The following ANO7 variants were observed in gnomAD, a reference collection of about 807,000 sequenced individuals.
ANO7 encodes the protein anoctamin 7, also known as anoctamin-7.
ANO7 carries 114 observed loss-of-function variants against 115.8 expected under a neutral mutation model. The observed-to-expected ratio is 0.98, with a 90% confidence interval of 0.85 to 1.15. The LOEUF (loss-of-function observed/expected upper bound fraction) is 1.15. ANO7 is among the 50% of genes most tolerant of loss of function. The pLI is 0.00. For missense variants in ANO7, 1,302 were observed against 1,201.2 expected (o/e 1.08, Z -1.24); for synonymous variants, 550 against 498.2 (o/e 1.10, Z -1.38).
intron 21 of ANO7, among the ~76,000 whole-genome samples, chr2:241,221,876 C>T (rs2069028232): frequency 6.6e-6 from 1 of 152,022 alleles, no homozygotes; most frequent in Non-Finnish European, 1.5e-5. Flanking sequence ...ACGGAGGTTT[C>T]ACCATGTTGG....
In ANO7 at chr2:241,225,593, C is replaced by A. The variant is rs754265566; in HGVS notation, c.*1440C>A. Among the ~76,000 whole-genome samples, 2 of 152,228 alleles carry A rather than the reference C, an allele frequency of 1.3e-5. No homozygotes were observed. The highest frequency in any genetic ancestry group is 4.8e-5 in the African/African-American group (2 of 41,458). ...TTGATGAGTACTGCCAAACTTACTCCACAGAAAAGGCCTCTTTCTGAACAT... is the reference window on the plus strand; with the variant it reads ...TTGATGAGTACTGCCAAACTTACTCAACAGAAAAGGCCTCTTTCTGAACAT... On this transcript the variant is annotated 3_prime_UTR_variant, in exon 25 of 25. Transcript: ENST00000674324.
At chr2:241,216,625 C>T (rs542322632) in intron 19 of ANO7, among the ~76,000 whole-genome samples, 1 of 152,294 alleles carries the variant, frequency 6.6e-6, no homozygotes, top group African/African-American at 2.4e-5. Flanking sequence ...GCCTGGAGAG[C>T]CAATGTTCCC....
intron 15 of ANO7, 69 bp from the exon 16 acceptor site, chr2:241,212,025 G>C: frequency 8.1e-7 from 1 of 1,240,842 alleles, no homozygotes; most frequent in Admixed American, 1.7e-5. Context: ...GGTGGTCCTA[G>C]GAGAGGGGGC....
intron 21 of ANO7, among the ~76,000 whole-genome samples, chr2:241,222,245 A>G (rs1388543731): frequency 2.7e-5 from 4 of 147,510 alleles, no homozygotes; most frequent in Non-Finnish European, 5.9e-5. Flanking sequence ...TAAATAAATA[A>G]ATAAATAAAT....
chr2:241,230,036 C>T (rs2069553689), downstream of ANO7: 10 of 1,578,980 alleles, frequency 6.3e-6, no homozygotes, highest in South Asian at 1.2e-4. This position sits in a 1 kb window ranked among gnomAD's most constrained non-coding sequence, Gnocchi z 5.0. Flanking sequence ...CTCACCCCTG[C>T]ACCTCGCCTG....
intron 22 of ANO7, 143 bp downstream of exon 22, chr2:241,223,419 C>G (rs1436593649): frequency 1.4e-5 from 15 of 1,104,280 alleles, no homozygotes; most frequent in Non-Finnish European, 2.1e-5. Context: ...TTCTCTGCAC[C>G]TGCGTTTTCC....
the ANO7 span, chr2:241,239,475 C>A: frequency 2.7e-6 from 2 of 729,078 alleles, no homozygotes; most frequent in East Asian, 5.1e-5. This position sits in a 1 kb window ranked among gnomAD's most constrained non-coding sequence, Gnocchi z 4.6. Flanking sequence ...CAGAAAGCCC[C>A]TTCTGAAGCC....
chr2:241,209,390 G>T lies in ANO7; in HGVS notation c.1183G>T (p.Ala395Ser). Residue 395 changes from alanine to serine, a missense_variant, in exon 12 of 25, where the codon GCC becomes TCC. Physicochemically the swap from Ala to Ser is moderately conservative, Grantham distance 99 (BLOSUM62 1). Transcript: ENST00000674324. Reference sequence around the variant, plus strand: ...CTGGAAGCGGAAGAGCGCCACGCTGGCCTACCGCTGGGACTGCTCTGACTA... The same window carrying T: ...CTGGAAGCGGAAGAGCGCCACGCTGTCCTACCGCTGGGACTGCTCTGACTA... ...EYWKRKSATL[A>S]YRWDCSDYED... The T allele has an allele frequency of 6.3e-7, 1 of 1,583,798 alleles. No individual in the cohort carries two copies. The highest frequency in any genetic ancestry group is 1.7e-4 in the Middle Eastern group (1 of 5,858).
intron 4 of ANO7, among the ~76,000 whole-genome samples, chr2:241,198,930 G>A (rs1284648081): frequency 5.3e-5 from 8 of 152,236 alleles, no homozygotes; most frequent in Non-Finnish European, 1.2e-4. Context: ...GATCAAAGGT[G>A]AGGCGACGTT....
At chr2:241,238,591 C>G in the ANO7 span, 1 of 1,350,188 alleles carries the variant, frequency 7.4e-7, no homozygotes, top group Non-Finnish European at 9.9e-7. This position sits in a 1 kb window ranked among gnomAD's most constrained non-coding sequence, Gnocchi z 4.9. Context: ...GACAGCCCCG[C>G]CTCTCACATG....
At chr2:241,236,781 G>A in the ANO7 span, 3 of 1,613,164 alleles carry the variant, frequency 1.9e-6, no homozygotes, top group East Asian at 2.2e-5. Flanking sequence ...TAGAGAGAAA[G>A]GGGAAAAGGG....
Position 241,224,122 on chromosome 2 carries a change from C to T in ANO7, c.2609C>T (p.Thr870Met), listed in dbSNP as rs370010636. The T allele has an allele frequency of 6.8e-6, 11 of 1,614,012 alleles. No homozygotes were observed. The highest frequency in any genetic ancestry group is 5.0e-5 in the Admixed American group (3 of 60,010). The stretch of plus-strand genomic sequence containing the variant: ...CTCAGCTCCCACTGGACACCCTTCA[C>T]GGTTCCCAAGGCCAGCCAGCTGCAG... ...SELSSHWTPF[T>M]VPKASQLQQ is the part of the protein sequence containing the mutation. The change falls in exon 25 of 25, where the codon ACG becomes ATG. Residue 870 changes from threonine (T) to methionine (M), a missense_variant. Physicochemically the swap from Thr to Met is moderately conservative, Grantham distance 81. Transcript: ENST00000674324.
Position 241,224,831 on chromosome 2 carries a change from G to A in ANO7, c.*678G>A, listed in dbSNP as rs3732225. On this transcript the variant is annotated 3_prime_UTR_variant, in exon 25 of 25. Transcript: ENST00000674324. ...TACTTGCATTCTGCAGCAATTACATGTGTCCTTTTGATCCTTGCCCAACTT... is the reference window on the plus strand; with the variant it reads ...TACTTGCATTCTGCAGCAATTACATATGTCCTTTTGATCCTTGCCCAACTT... The A allele has an allele frequency of 0.012, 1,871 of 152,342 alleles. 107 individuals carry two copies. Among genetic ancestry groups the A allele is most frequent in the Admixed American group, 0.092 (1,404 of 15,286 alleles). 9.4% of individuals were successfully genotyped at this position (152,342 alleles called of 1,614,324 possible).
the ANO7 span, among the ~76,000 whole-genome samples, chr2:241,237,323 G>T: frequency 1.3e-5 from 2 of 152,184 alleles, no homozygotes; most frequent in African/African-American, 4.8e-5. Context: ...GTGAAGAGGC[G>T]TGTGAACAGG....
In ANO7 at chr2:241,190,137, G is replaced by A; in HGVS notation, c.74G>A (p.Arg25Lys). ...GTGAGCCCCCCTGAGGCAGAGAAGA[G>A]GGGCTCTTACGGGAGCACAGCCCAC... Reference protein sequence around the residue: ...IDVSPPEAEKRGSYGSTAHAS... With the variant: ...IDVSPPEAEKKGSYGSTAHAS... The change falls in exon 2 of 25, where the codon AGG (arginine) becomes AAG (lysine). Residue 25 changes from arginine (R) to lysine (K), a missense_variant. Arg to Lys is a conservative substitution (Grantham distance 26). Transcript: ENST00000674324. The A allele has an allele frequency of 6.3e-7, 1 of 1,576,130 alleles. No homozygotes were observed. The highest frequency in any genetic ancestry group is 8.6e-7 in the Non-Finnish European group (1 of 1,161,104).
intron 21 of ANO7, among the ~76,000 whole-genome samples, chr2:241,220,043 A>G (rs2149268667): frequency 6.6e-6 from 1 of 152,320 alleles, no homozygotes; most frequent in East Asian, 1.9e-4. Context: ...AAAAACACAC[A>G]TGAAAAAACA....
At chr2:241,223,477 C>G (rs1044046801) in intron 22 of ANO7, 185 bp from the exon 23 acceptor site, 11 of 1,078,830 alleles carry the variant, frequency 1.0e-5, no homozygotes, top group Non-Finnish European at 1.5e-5. Flanking sequence ...GTGGGTGTCT[C>G]CACAGGAGCC....
rs1024978638 is a variant in ANO7, at chr2:241,199,500, C to T, written c.417+77C>T. ...CACTGCGTTCAGCTGCCAGTGCCGA[C>T]AGCCTCAGGAGGGCTCCCTGCTCAG... On this transcript the variant is annotated intron_variant, in intron 5 of 24. Transcript: ENST00000674324. 320 of 1,461,560 alleles carry T rather than the reference C, an allele frequency of 2.2e-4. 1 individual carries two copies. The African/African-American group carries it at 2.9e-3, about 13-fold the overall frequency. The allele number at this position is 1,461,560 out of a possible 1,614,324, so 90.5% of individuals were successfully genotyped here. A position where few individuals can be genotyped will look rare whatever the true frequency, so the allele number is the denominator to read the frequency against.
chr2:241,214,747 A>T, intron 17 of ANO7, 58 bp from the exon 18 acceptor site: 1 of 1,500,864 alleles, frequency 6.7e-7, no homozygotes, highest in Non-Finnish European at 9.1e-7. Context: ...ACAAGAAGGG[A>T]TGCGTGGGTG....
Sources: allele counts gnomAD v4.1 joint callset (sites outside exome capture counted in the v4.1 genomes callset), GRCh38; gene constraint gnomAD v4.1.1; non-coding constraint Gnocchi (gnomAD v3.1); transcripts MANE v1.5; gene names NCBI Gene and HGNC (gene_info 2026-07-23, HGNC 2026-07-21).